Variants in MARCHF1 observed in about 807,000 individuals in gnomAD.
The protein encoded by MARCHF1 is membrane associated ring-CH-type finger 1, also known as E3 ubiquitin-protein ligase MARCHF1.
In MARCHF1, 40 loss-of-function variants were observed where a neutral mutation model predicts 54.2. That is an observed-to-expected ratio of 0.74 (90% CI 0.57 to 0.96). MARCHF1 has a LOEUF of 0.96. Among genes scored for constraint, MARCHF1 ranks in the 40% least tolerant of loss-of-function variants. The pLI, the probability that MARCHF1 is intolerant of heterozygous loss-of-function variation, is 0.00. For synonymous variants in MARCHF1, 236 were observed against 236.3 expected, an observed-to-expected ratio of 1.00 and a Z score of 0.01; for missense variants, 586 against 656.5, an observed-to-expected ratio of 0.89 and a Z score of 1.17.
At chr4:163,895,057 ATG>A (rs1750775870) in intron 3 of MARCHF1, among the ~76,000 whole-genome samples, 1 of 151,836 alleles carries the variant, frequency 6.6e-6, no homozygotes, top group Non-Finnish European at 1.5e-5. Flanking sequence ...TATGCATGTG[ATG>A]CATAAATATG....
chr4:164,265,242 G>A (rs1447288510), intron 1 of MARCHF1, among the ~76,000 whole-genome samples: 2 of 152,112 alleles, frequency 1.3e-5, no homozygotes, highest in African/African-American at 4.8e-5. Context: ...ATTAAGTAAT[G>A]TCTTAGTAGG....
At chr4:163,891,467 AT>A (rs199792095) in intron 3 of MARCHF1, among the ~76,000 whole-genome samples, 1,980 of 149,308 alleles carry the variant, frequency 0.013, 16 homozygotes, top group South Asian at 0.022. Flanking sequence ...AAGCTACACC[AT>A]TTTTTTTTTC....
chr4:164,060,206 T>A (rs1754585498), intron 2 of MARCHF1, among the ~76,000 whole-genome samples: 1 of 152,092 alleles, frequency 6.6e-6, no homozygotes, highest in African/African-American at 2.4e-5. Context: ...CAAATTTTTA[T>A]ACCATATTGA....
At chr4:163,890,506 G>A (rs150302159) in intron 3 of MARCHF1, among the ~76,000 whole-genome samples, 1 of 152,138 alleles carries the variant, frequency 6.6e-6, no homozygotes, top group African/African-American at 2.4e-5. Flanking sequence ...GTGACTTTGG[G>A]CAAATAACTT....
At chr4:164,150,776 T>C (rs1029698877) in intron 1 of MARCHF1, among the ~76,000 whole-genome samples, 1 of 152,228 alleles carries the variant, frequency 6.6e-6, no homozygotes, top group African/African-American at 2.4e-5. Flanking sequence ...TGTAGACAAA[T>C]AATTGTCTCC....
intron 1 of MARCHF1, among the ~76,000 whole-genome samples, chr4:164,131,312 G>A (rs1414758612): frequency 6.6e-6 from 1 of 152,038 alleles, no homozygotes; most frequent in African/African-American, 2.4e-5. Flanking sequence ...AGTATATGCA[G>A]GTATGAAATG....
At chr4:164,375,570 G>C (rs948628174) in intron 1 of MARCHF1, among the ~76,000 whole-genome samples, 2 of 151,928 alleles carry the variant, frequency 1.3e-5, no homozygotes, top group Admixed American at 6.6e-5. Context: ...ATATTTGCTA[G>C]GCTGCATATT....
intron 2 of MARCHF1, among the ~76,000 whole-genome samples, chr4:164,001,778 A>G (rs896240104): frequency 4.0e-5 from 6 of 151,862 alleles, no homozygotes; most frequent in African/African-American, 1.4e-4. Context: ...CCAGAGAGAA[A>G]CGAGCTATAA....
At chr4:164,188,933 G>T in intron 1 of MARCHF1, 2 of 761,178 alleles carry the variant, frequency 2.6e-6, no homozygotes, top group Non-Finnish European at 4.9e-6. Flanking sequence ...AGCAACCAAA[G>T]ATATTGGAAC....
At chr4:164,377,624 T>TACACAC (rs1561025474) in intron 1 of MARCHF1, among the ~76,000 whole-genome samples, 3 of 145,314 alleles carry the variant, frequency 2.1e-5, no homozygotes, top group Non-Finnish European at 3.1e-5. Context: ...CATACACACA[T>TACACAC]GTGTCTGTGT....
chr4:163,807,029 C>A (rs1305865286), intron 4 of MARCHF1, among the ~76,000 whole-genome samples: 2 of 151,984 alleles, frequency 1.3e-5, no homozygotes, highest in Non-Finnish European at 2.9e-5. Context: ...ATAAAATATG[C>A]AAAATAAATA....
At chr4:164,292,332 C>T (rs1052091555) in intron 1 of MARCHF1, among the ~76,000 whole-genome samples, 11 of 151,936 alleles carry the variant, frequency 7.2e-5, no homozygotes, top group Admixed American at 2.0e-4. Context: ...AATGGTTATG[C>T]GTTTTTTTTC....
intron 1 of MARCHF1, among the ~76,000 whole-genome samples, chr4:164,177,079 T>G (rs555635170): frequency 1.3e-5 from 2 of 148,982 alleles, no homozygotes; most frequent in African/African-American, 4.9e-5. Flanking sequence ...ATTTATGCAG[T>G]CTTTTCTGAT....
intron 3 of MARCHF1, among the ~76,000 whole-genome samples, chr4:163,950,657 G>C (rs998708472): frequency 4.6e-5 from 7 of 152,166 alleles, no homozygotes; most frequent in Non-Finnish European, 7.4e-5. Flanking sequence ...ACACCTCCGC[G>C]ACTGCAGCCA....
intron 1 of MARCHF1, among the ~76,000 whole-genome samples, chr4:164,305,449 A>G (rs1475617720): frequency 6.6e-6 from 1 of 152,144 alleles, no homozygotes; most frequent in Non-Finnish European, 1.5e-5. Flanking sequence ...TGTAATCAGC[A>G]AAGTGCTATT....
At chr4:164,078,949 C>T (rs1167018054) in intron 2 of MARCHF1, among the ~76,000 whole-genome samples, 2 of 152,048 alleles carry the variant, frequency 1.3e-5, no homozygotes, top group Non-Finnish European at 1.5e-5. Context: ...ATTATAATCC[C>T]ACCAACAATA....
intron 2 of MARCHF1, among the ~76,000 whole-genome samples, chr4:164,108,419 G>GT (rs201639584): frequency 4.7e-3 from 708 of 149,988 alleles, no homozygotes; most frequent in Non-Finnish European, 7.2e-3. Context: ...TTCATTCATT[G>GT]TTTTTTTTTC....
intron 1 of MARCHF1, among the ~76,000 whole-genome samples, chr4:164,306,602 A>C (rs187059244): frequency 5.9e-4 from 90 of 152,288 alleles, no homozygotes; most frequent in Non-Finnish European, 7.9e-4. Context: ...CTTAGATCAT[A>C]ATCTATATCT....
chr4:163,832,499 A>G (rs1749054554), intron 4 of MARCHF1, among the ~76,000 whole-genome samples: 1 of 152,146 alleles, frequency 6.6e-6, no homozygotes, highest in Admixed American at 6.5e-5. Context: ...CTCATTTAGC[A>G]AAACTAGAAA....
Sources: gnomAD v4.1 joint callset for allele counts (sites outside exome capture counted in the v4.1 genomes callset) on GRCh38, gnomAD v4.1.1 for gene constraint, MANE v1.5 for transcripts, NCBI Gene and HGNC (gene_info 2026-07-23, HGNC 2026-07-21) for gene names.